PDE3A: variants seen among roughly 807,000 people sequenced by gnomAD.
PDE3A encodes cGMP-inhibited 3',5'-cyclic phosphodiesterase 3A.
In PDE3A, 43 loss-of-function variants were observed where a neutral mutation model predicts 98.3. The observed-to-expected ratio is 0.44, with a 90% confidence interval of 0.34 to 0.56. The LOEUF (loss-of-function observed/expected upper bound fraction) is 0.56, where lower values mean the gene tolerates loss of function less well. PDE3A is among the 20% of genes least tolerant of loss of function. The probability of loss-of-function intolerance (pLI) is 0.01; values close to 1 mark genes in which losing one functional copy is unlikely to be tolerated. For missense variants in PDE3A, 1,427 were observed against 1,440.7 expected, an observed-to-expected ratio of 0.99 and a Z score of 0.15; for synonymous variants, 663 against 567.9, an observed-to-expected ratio of 1.17 and a Z score of -2.38.
At chr12:20,505,261 T>G (rs1390649632) in intron 1 of PDE3A, among the ~76,000 whole-genome samples, 2 of 152,086 alleles carry the variant, frequency 1.3e-5, no homozygotes, top group Non-Finnish European at 2.9e-5. Context: ...ACATGGCCAA[T>G]TTTTTGGAAC....
chr12:20,687,096 G>A lies in PDE3A; in HGVS notation c.*6825G>A, dbSNP rs373701034. 4.6e-5 allele frequency among the ~76,000 whole-genome samples: 7 copies of A among 151,882 alleles called. No homozygotes were observed. Among genetic ancestry groups the A allele is most frequent in the South Asian group, 2.1e-4 (1 of 4,834 alleles). ...TTTTGAAGAGAAAGATTTTCTTTCC[G>A]GTAATTTTACTCCCTAAAAAAGGCA... On this transcript the variant is annotated 3_prime_UTR_variant, in exon 16 of 16. Coordinates refer to ENST00000359062, the MANE Select transcript of PDE3A (RefSeq NM_000921.5).
intron 1 of PDE3A, chr12:20,449,862 T>G: frequency 1.6e-6 from 1 of 610,418 alleles, no homozygotes; most frequent in Non-Finnish European, 2.8e-6. Flanking sequence ...CCCCTTTTAG[T>G]GGACATTTGG....
intron 2 of PDE3A, among the ~76,000 whole-genome samples, chr12:20,598,161 T>A (rs1014512764): frequency 2.0e-5 from 3 of 151,662 alleles, no homozygotes; most frequent in African/African-American, 7.3e-5. Flanking sequence ...TACTGACTTT[T>A]ATTTCTTTTT....
rs1236673931 is a variant in PDE3A, at chr12:20,552,792, G to A, written c.961-3868G>A. The A allele has an allele frequency of 1.9e-6, 3 of 1,614,020 alleles. No individual in the cohort carries two copies. Among genetic ancestry groups the A allele is most frequent in the South Asian group, 1.1e-5 (1 of 91,084 alleles). On this transcript the variant is annotated intron_variant, in intron 1 of 15. Transcript: ENST00000359062. This position sits in a 1 kb window ranked among gnomAD's most constrained non-coding sequence, Gnocchi z 5.1. ...TGTTCCTGAGTAAAGTGGAGGAGAC[G>A]TTCCAGTGTATCTGCTGTCAGGAGC... is the stretch of plus-strand genomic sequence containing the variant.
intron 2 of PDE3A, among the ~76,000 whole-genome samples, chr12:20,612,323 T>G (rs1943878829): frequency 6.6e-6 from 1 of 151,730 alleles, no homozygotes; most frequent in Non-Finnish European, 1.5e-5. Flanking sequence ...TGTCCTTTAG[T>G]GATTTTTTAG....
At chr12:20,433,801 G>A (rs1450138194) in intron 1 of PDE3A, among the ~76,000 whole-genome samples, 1 of 152,066 alleles carries the variant, frequency 6.6e-6, no homozygotes, top group African/African-American at 2.4e-5. Flanking sequence ...TTCATTGTTT[G>A]TAGAATGTTT....
intron 1 of PDE3A, among the ~76,000 whole-genome samples, chr12:20,381,095 A>T (rs1943656134): frequency 6.6e-6 from 1 of 151,798 alleles, no homozygotes; most frequent in Non-Finnish European, 1.5e-5. Flanking sequence ...ACTTCTCGTC[A>T]TTCCTTTTTA....
At chr12:20,653,309 CAAAGCAAAA>C (rs1944963629) in intron 14 of PDE3A, among the ~76,000 whole-genome samples, 1 of 149,860 alleles carries the variant, frequency 6.7e-6, no homozygotes, top group Admixed American at 6.6e-5. Context: ...TTCTGGAAGC[CAAAGCAAAA>C]AAAGGAAAAT....
At chr12:20,576,162 T>C (rs1359445867) in intron 2 of PDE3A, among the ~76,000 whole-genome samples, 1 of 152,050 alleles carries the variant, frequency 6.6e-6, no homozygotes, top group East Asian at 1.9e-4. Flanking sequence ...TTATACTCTT[T>C]TAGTTATTTT....
chr12:20,562,320 A>G (rs1472939335), intron 2 of PDE3A, among the ~76,000 whole-genome samples: 2 of 148,704 alleles, frequency 1.3e-5, no homozygotes, highest in African/African-American at 2.5e-5. Flanking sequence ...TCCCTGGTTC[A>G]GCGATTCTCC....
intron 13 of PDE3A, among the ~76,000 whole-genome samples, chr12:20,649,798 C>T (rs1270597903): frequency 2.0e-5 from 3 of 151,892 alleles, no homozygotes; most frequent in Non-Finnish European, 2.9e-5. Context: ...TGGTGGCGCA[C>T]CCCTGTAGTC....
chr12:20,487,156 G>GGCTA (rs1555151688), intron 1 of PDE3A, among the ~76,000 whole-genome samples: 2 of 151,792 alleles, frequency 1.3e-5, no homozygotes, highest in East Asian at 3.9e-4. Context: ...CTGGCGTAGT[G>GGCTA]TCTGTGAGTG....
chr12:20,509,605 C>T (rs1393716588), intron 1 of PDE3A, among the ~76,000 whole-genome samples: 1 of 151,992 alleles, frequency 6.6e-6, no homozygotes, highest in African/African-American at 2.4e-5. Flanking sequence ...CTATAAAAAT[C>T]CCAGCAGGTA....
chr12:20,668,571 A>AC (rs1045824957), intron 15 of PDE3A, among the ~76,000 whole-genome samples: 1 of 151,950 alleles, frequency 6.6e-6, no homozygotes, highest in African/African-American at 2.4e-5. Context: ...ACTGGGAGGC[A>AC]CCCCCCAGTA....
At chr12:20,667,868 G>C (rs1326867326) in intron 15 of PDE3A, among the ~76,000 whole-genome samples, 2 of 152,206 alleles carry the variant, frequency 1.3e-5, no homozygotes, top group Non-Finnish European at 2.9e-5. Context: ...AACAGGAACA[G>C]CTCCGGTCTA....
At chr12:20,628,352 A>T (rs1338489609) in intron 5 of PDE3A, among the ~76,000 whole-genome samples, 1 of 152,156 alleles carries the variant, frequency 6.6e-6, no homozygotes, top group East Asian at 1.9e-4. Context: ...CTTTGGAAAA[A>T]TAAATGAGTC....
intron 1 of PDE3A, among the ~76,000 whole-genome samples, chr12:20,476,447 AATG>A (rs1945534189): frequency 6.6e-6 from 1 of 152,250 alleles, no homozygotes; most frequent in Admixed American, 6.5e-5. Flanking sequence ...GCATATAAAA[AATG>A]ATAAGAGAAT....
chr12:20,668,338 G>A (rs1415345334), intron 15 of PDE3A, among the ~76,000 whole-genome samples: 4 of 152,152 alleles, frequency 2.6e-5, no homozygotes. Context: ...GAACTGGGTG[G>A]AGCCCACCAC....
intron 2 of PDE3A, among the ~76,000 whole-genome samples, chr12:20,611,551 A>G (rs1470755138): frequency 6.6e-6 from 1 of 151,900 alleles, no homozygotes; most frequent in Non-Finnish European, 1.5e-5. Flanking sequence ...ATGAAAGTGA[A>G]AGTAATAATA....
Sources: gnomAD v4.1 joint callset for allele counts (sites outside exome capture counted in the v4.1 genomes callset) on GRCh38, gnomAD v4.1.1 for gene constraint, Gnocchi (gnomAD v3.1) non-coding constraint, MANE v1.5 for transcripts, NCBI Gene and HGNC (gene_info 2026-07-23, HGNC 2026-07-21) for gene names.